MECOM: variants seen among roughly 807,000 people sequenced by gnomAD.
MECOM encodes MDS1 and EVI1 complex locus.
In MECOM, 13 loss-of-function variants were observed where a neutral mutation model predicts 116.3. The ratio of observed to expected loss-of-function variants is 0.11; its 90% CI spans 0.07 to 0.18. The LOEUF (loss-of-function observed/expected upper bound fraction) is 0.18, where lower values mean the gene tolerates loss of function less well. Ranked by LOEUF, MECOM falls within the 10% of genes least tolerant of loss-of-function variation. MECOM has a pLI of 1.00. For synonymous variants in MECOM, 528 were observed against 535.2 expected (o/e 0.99, Z 0.19); for missense variants, 1,299 against 1,509.0 (o/e 0.86, Z 2.31).
chr3:169,274,315 C>T (rs367676446), intron 2 of MECOM, among the ~76,000 whole-genome samples: 1 of 152,066 alleles, frequency 6.6e-6, no homozygotes, highest in South Asian at 2.1e-4. Flanking sequence ...ACTTGTTTTA[C>T]GTGATAATGT....
chr3:169,283,182 T>G (rs1157799531), intron 2 of MECOM, among the ~76,000 whole-genome samples: 1 of 151,916 alleles, frequency 6.6e-6, no homozygotes, highest in Admixed American at 6.6e-5. Flanking sequence ...GGGATGAGGG[T>G]TTATGGAAGA....
At chr3:169,484,120 A>G in intron 1 of MECOM, 1 of 791,806 alleles carries the variant, frequency 1.3e-6, no homozygotes, top group Non-Finnish European at 2.1e-6. Context: ...TTTCTCTAGT[A>G]AACAAAAAGT....
chr3:169,470,695 G>A (rs996595311), intron 1 of MECOM, among the ~76,000 whole-genome samples: 10 of 152,094 alleles, frequency 6.6e-5, no homozygotes, highest in East Asian at 1.9e-4. Flanking sequence ...AAGTCAAAAC[G>A]GGAAGAAATA....
chr3:169,302,391 C>T (rs893333087), intron 2 of MECOM, among the ~76,000 whole-genome samples: 4 of 152,150 alleles, frequency 2.6e-5, no homozygotes, highest in African/African-American at 9.7e-5. Flanking sequence ...TCCCATGGCC[C>T]AGTCTGTGTG....
chr3:169,538,903 A>C (rs753629535), intron 1 of MECOM, among the ~76,000 whole-genome samples: 4 of 152,164 alleles, frequency 2.6e-5, no homozygotes, highest in Non-Finnish European at 5.9e-5. Flanking sequence ...ATCAGGGAAA[A>C]GTACCTTCAC....
At chr3:169,424,401 C>T (rs1028388869) in intron 1 of MECOM, among the ~76,000 whole-genome samples, 1 of 152,118 alleles carries the variant, frequency 6.6e-6, no homozygotes, top group Admixed American at 6.6e-5. Flanking sequence ...ATCTGATTGG[C>T]AGTGCATTTC....
chr3:169,327,541 G>A (rs1171176797), intron 2 of MECOM, among the ~76,000 whole-genome samples: 1 of 151,464 alleles, frequency 6.6e-6, no homozygotes, highest in Non-Finnish European at 1.5e-5. Context: ...GGGAGGCTGA[G>A]GCGGGAGAAT....
Position 169,161,302 on chromosome 3 carries a change from G to A in MECOM, c.376-17470C>T, listed in dbSNP as rs186501906. On this transcript the variant is annotated intron_variant, in intron 2 of 16. Coordinates refer to ENST00000651503, the MANE Select transcript of MECOM (RefSeq NM_004991.4). ...AAGACCAACCCTAATATAAGTGCTGGCAATGGCAGCTGAGCCTCAGCATCC... is the reference window on the plus strand; with the variant it reads ...AAGACCAACCCTAATATAAGTGCTGACAATGGCAGCTGAGCCTCAGCATCC... 5.9e-5 allele frequency among the ~76,000 whole-genome samples: 9 copies of A among 152,240 alleles called. No individual in the cohort carries two copies. In the East Asian group the frequency reaches 1.7e-3, roughly 29 times the overall value.
intron 1 of MECOM, among the ~76,000 whole-genome samples, chr3:169,542,521 G>C (rs9810757): frequency 0.017 from 2,529 of 152,280 alleles, 78 homozygotes; most frequent in African/African-American, 0.058. Context: ...TGGATAAGAA[G>C]AGTCTCCTTT....
Position 169,498,331 on chromosome 3 carries a change from T to C in MECOM, c.38-116807A>G, listed in dbSNP as rs1331661503. 2.0e-5 allele frequency among the ~76,000 whole-genome samples: 3 copies of C among 152,194 alleles called. No individual in the cohort carries two copies. The East Asian group carries it at 5.8e-4, about 29-fold the overall frequency. On this transcript the variant is annotated intron_variant, in intron 1 of 16. Coordinates refer to ENST00000651503, the MANE Select transcript of MECOM (RefSeq NM_004991.4). ...GTAAGTACATGCCAAAATTGCCCCCTGTTCAAAAGCGAGAAATAATGGATA... is the reference window on the plus strand; with the variant it reads ...GTAAGTACATGCCAAAATTGCCCCCCGTTCAAAAGCGAGAAATAATGGATA...
intron 1 of MECOM, among the ~76,000 whole-genome samples, chr3:169,626,659 C>G: frequency 6.6e-6 from 1 of 152,130 alleles, no homozygotes; most frequent in East Asian, 1.9e-4. Flanking sequence ...ATTGAGCAGC[C>G]TAGCTTTTTT....
intron 1 of MECOM, among the ~76,000 whole-genome samples, chr3:169,466,650 A>G (rs1209396572): frequency 6.6e-6 from 1 of 152,068 alleles, no homozygotes. Context: ...GCCTCTTTAA[A>G]TAAAGAAAGA....
At chr3:169,103,125 C>T (rs1724157875) in intron 10 of MECOM, among the ~76,000 whole-genome samples, 1 of 150,654 alleles carries the variant, frequency 6.6e-6, no homozygotes, top group African/African-American at 2.4e-5. Context: ...TGGCTTGATC[C>T]CTGTTTTTTA....
intron 1 of MECOM, among the ~76,000 whole-genome samples, chr3:169,576,796 T>TACACACAC (rs373881811): frequency 5.9e-5 from 8 of 136,590 alleles, no homozygotes; most frequent in Non-Finnish European, 1.1e-4. Flanking sequence ...CTTCCTGTTT[T>TACACACAC]ACACACACAC....
intron 1 of MECOM, among the ~76,000 whole-genome samples, chr3:169,649,818 A>G (rs946609772): frequency 6.6e-6 from 1 of 152,262 alleles, no homozygotes; most frequent in African/African-American, 2.4e-5. Context: ...TCCCTTAAAG[A>G]TTTATATGAA....
At chr3:169,369,134 T>C (rs1729663042) in intron 2 of MECOM, among the ~76,000 whole-genome samples, 1 of 151,810 alleles carries the variant, frequency 6.6e-6, no homozygotes. Flanking sequence ...GCAGTAAGAG[T>C]AATAGACATG....
chr3:169,492,470 T>C (rs1465043460), intron 1 of MECOM, among the ~76,000 whole-genome samples: 2 of 152,180 alleles, frequency 1.3e-5, no homozygotes, highest in African/African-American at 4.8e-5. Flanking sequence ...TAACAATCCC[T>C]GCCTTCAATG....
At chr3:169,469,650 C>G (rs1748879569) in intron 1 of MECOM, among the ~76,000 whole-genome samples, 1 of 152,066 alleles carries the variant, frequency 6.6e-6, no homozygotes, top group Admixed American at 6.6e-5. Context: ...TCCAGCAACG[C>G]CCCCTTGCAT....
At chr3:169,271,911 C>T (rs933958463) in intron 2 of MECOM, among the ~76,000 whole-genome samples, 2 of 152,144 alleles carry the variant, frequency 1.3e-5, no homozygotes, top group African/African-American at 2.4e-5. Context: ...AAAAAATTAA[C>T]ACCATCAAGG....
Sources: gnomAD v4.1 joint callset for allele counts (sites outside exome capture counted in the v4.1 genomes callset) on GRCh38, gnomAD v4.1.1 for gene constraint, MANE v1.5 for transcripts, NCBI Gene and HGNC (gene_info 2026-07-23, HGNC 2026-07-21) for gene names.